ELMOD1: variants seen among roughly 807,000 people sequenced by gnomAD.
ELMOD1 encodes ELMO domain-containing protein 1.
In ELMOD1, 21 loss-of-function variants were observed where a neutral mutation model predicts 46.7. That is an observed-to-expected ratio of 0.45 (90% CI 0.32 to 0.65). The LOEUF (loss-of-function observed/expected upper bound fraction) is 0.65. Among genes scored for constraint, ELMOD1 ranks in the 30% least tolerant of loss-of-function variants. The pLI is 0.04. For synonymous variants in ELMOD1, 122 were observed against 138.2 expected, an observed-to-expected ratio of 0.88 and a Z score of 0.82; for missense variants, 348 against 407.8, an observed-to-expected ratio of 0.85 and a Z score of 1.26.
At chr11:107,606,582 C>G (rs1037972433) in intron 1 of ELMOD1, among the ~76,000 whole-genome samples, 12 of 152,158 alleles carry the variant, frequency 7.9e-5, no homozygotes, top group Non-Finnish European at 1.5e-4. Flanking sequence ...TGCCTATAAT[C>G]CCAGCATTTT....
chr11:107,661,080 AT>A (rs1317297438), intron 11 of ELMOD1, among the ~76,000 whole-genome samples: 7 of 152,180 alleles, frequency 4.6e-5, no homozygotes, highest in African/African-American at 1.2e-4. Context: ...CCATTTCTGC[AT>A]TTTGATTAAG....
intron 6 of ELMOD1, among the ~76,000 whole-genome samples, chr11:107,640,637 C>G (rs904768893): frequency 6.6e-6 from 1 of 152,022 alleles, no homozygotes; most frequent in African/African-American, 2.4e-5. Flanking sequence ...TTCAAAATAA[C>G]CTTTTTAATG....
chr11:107,603,370 C>G lies in ELMOD1; in HGVS notation c.-86+11961C>G, dbSNP rs191040625. Among the ~76,000 whole-genome samples the G allele has an allele frequency of 2.3e-3, 345 of 152,244 alleles. 2 individuals are homozygous for G. The highest frequency in any genetic ancestry group is 3.8e-3 in the Non-Finnish European group (260 of 68,014). On this transcript the variant is annotated intron_variant, in intron 1 of 11. Coordinates refer to ENST00000265840, the MANE Select transcript of ELMOD1 (RefSeq NM_018712.4). ...CCTGGCCAACATGGCAAAACCACAT[C>G]TCTACTAAAAATACAAAAAATAGCT...
At chr11:107,635,595 T>C (rs1289220220) in intron 5 of ELMOD1, 41 bp from the exon 6 acceptor site, 3 of 1,592,580 alleles carry the variant, frequency 1.9e-6, no homozygotes, top group East Asian at 2.2e-5. Flanking sequence ...GTGAATGCCC[T>C]GTTCTTCCTT....
At chr11:107,658,984 C>A (rs1866681770) in intron 11 of ELMOD1, among the ~76,000 whole-genome samples, 1 of 152,230 alleles carries the variant, frequency 6.6e-6, no homozygotes, top group East Asian at 1.9e-4. Context: ...GCTCACTCAG[C>A]CTGGAAGTCA....
intron 1 of ELMOD1, among the ~76,000 whole-genome samples, chr11:107,615,305 G>A (rs111337573): frequency 0.13 from 17,680 of 133,302 alleles, 1,269 homozygotes; most frequent in African/African-American, 0.22. Flanking sequence ...GCGTGATCTC[G>A]GCTCACTGCA....
intron 10 of ELMOD1, among the ~76,000 whole-genome samples, chr11:107,654,649 G>A (rs1412903945): frequency 1.3e-5 from 2 of 151,944 alleles, no homozygotes; most frequent in Non-Finnish European, 2.9e-5. Flanking sequence ...GGCGCCTGTA[G>A]TCCCAGCTAC....
intron 2 of ELMOD1, chr11:107,623,216 TAAAAC>T (rs1865983128): frequency 6.6e-6 from 1 of 152,186 alleles, no homozygotes; most frequent in South Asian, 2.1e-4. Flanking sequence ...CTCCCTGCAT[TAAAAC>T]AAACAAAAGC....
chr11:107,634,487 C>G (rs1866194163), intron 5 of ELMOD1, among the ~76,000 whole-genome samples: 1 of 152,082 alleles, frequency 6.6e-6, no homozygotes, highest in African/African-American at 2.4e-5. Flanking sequence ...GCCTGTAATC[C>G]CAGCACTTTG....
intron 1 of ELMOD1, among the ~76,000 whole-genome samples, chr11:107,604,248 A>C (rs1312128937): frequency 6.6e-6 from 1 of 152,332 alleles, no homozygotes; most frequent in South Asian, 2.1e-4. Flanking sequence ...TGATAGGGCA[A>C]GGGAACCAGG....
Position 107,654,178 on chromosome 11 carries a change from C to T in ELMOD1, c.654C>T (p.Phe218=). 6.3e-7 allele frequency: 1 copy of T among 1,584,030 alleles called. No individual in the cohort carries two copies. The highest frequency in any genetic ancestry group is 8.6e-7 in the Non-Finnish European group (1 of 1,164,012). Residue 218 remains phenylalanine (F), a synonymous_variant, in exon 10 of 12, where the codon TTC becomes TTT. Transcript: ENST00000265840. ...RDITKEEISK[F]SKAEWEKKRM... Reference sequence around the variant, plus strand: ...TATTCATTCATCCATTCAGCAAATTCAGCAAAGCAGAATGGGAGAAGAAAA... The same window carrying T: ...TATTCATTCATCCATTCAGCAAATTTAGCAAAGCAGAATGGGAGAAGAAAA...
At chr11:107,644,966 C>A (rs983890501) in intron 6 of ELMOD1, among the ~76,000 whole-genome samples, 36 of 151,268 alleles carry the variant, frequency 2.4e-4, no homozygotes, top group Non-Finnish European at 4.3e-4. Flanking sequence ...CTCTGTCGCC[C>A]GGGCTGGAGT....
intron 1 of ELMOD1, among the ~76,000 whole-genome samples, chr11:107,613,331 T>C (rs1044129929): frequency 4.6e-5 from 7 of 152,210 alleles, no homozygotes; most frequent in African/African-American, 1.4e-4. Context: ...GCTAATTTAA[T>C]TACTTACCCC....
At chr11:107,598,333 G>C (rs573675950) in intron 1 of ELMOD1, among the ~76,000 whole-genome samples, 4 of 152,120 alleles carry the variant, frequency 2.6e-5, no homozygotes, top group African/African-American at 9.7e-5. Flanking sequence ...AGGCAAAAGC[G>C]GGTGAATTCT....
chr11:107,664,980 A>AT (rs752805357), intron 11 of ELMOD1, 45 bp from the exon 12 acceptor site: 702 of 1,521,762 alleles, frequency 4.6e-4, no homozygotes, highest in South Asian at 7.3e-4. Context: ...GTGATTAAGG[A>AT]TTTTTTTTTC....
intron 1 of ELMOD1, among the ~76,000 whole-genome samples, chr11:107,610,998 C>CAAAAAAAAAAAAAAAAAA (rs58417281): frequency 1.9e-4 from 18 of 95,756 alleles, no homozygotes; most frequent in East Asian, 3.0e-4. Context: ...TGTAAGAATC[C>CAAAAAAAAAAAAAAAAAA]AAAAAAAAAA....
intron 6 of ELMOD1, among the ~76,000 whole-genome samples, chr11:107,645,169 C>T (rs1866405709): frequency 1.3e-5 from 2 of 148,394 alleles, no homozygotes; most frequent in African/African-American, 2.5e-5. Context: ...GATCTCCTGA[C>T]CTCGTGATCC....
At chr11:107,602,681 A>G (rs755847241) in intron 1 of ELMOD1, among the ~76,000 whole-genome samples, 4 of 150,048 alleles carry the variant, frequency 2.7e-5, no homozygotes, top group Non-Finnish European at 4.4e-5. Context: ...ATGATGTTTT[A>G]ATAGTTTTCT....
intron 9 of ELMOD1, 82 bp downstream of exon 9, chr11:107,650,990 T>A (rs1866516180): frequency 9.1e-6 from 7 of 770,590 alleles, no homozygotes; most frequent in Middle Eastern, 4.4e-4. Flanking sequence ...TAAGGAACTC[T>A]GAATTTATTT....
Sources: gnomAD v4.1 joint callset for allele counts (sites outside exome capture counted in the v4.1 genomes callset) on GRCh38, gnomAD v4.1.1 for gene constraint, MANE v1.5 for transcripts, NCBI Gene and HGNC (gene_info 2026-07-23, HGNC 2026-07-21) for gene names.